The following INVS variants were observed in gnomAD, a reference collection of about 807,000 sequenced individuals.
The protein encoded by INVS is inversion of embryo turning homolog.
Under a neutral mutation model 108.8 loss-of-function variants are expected in INVS, and 86 were observed. The ratio of observed to expected loss-of-function variants is 0.79; its 90% CI spans 0.66 to 0.95. The LOEUF (loss-of-function observed/expected upper bound fraction) is 0.95, where lower values mean the gene tolerates loss of function less well. Ranked by LOEUF, INVS falls within the 40% of genes least tolerant of loss-of-function variation. INVS has a pLI of 0.00. For missense variants in INVS, 1,169 were observed against 1,297.4 expected (o/e 0.90, Z 1.52); for synonymous variants, 455 against 473.5 (o/e 0.96, Z 0.51).
At chr9:100,224,898 G>A (rs1370589242) in intron 3 of INVS, among the ~76,000 whole-genome samples, 1 of 151,718 alleles carries the variant, frequency 6.6e-6, no homozygotes, top group African/African-American at 2.4e-5. Context: ...ACAGGCATGA[G>A]CCACCGCACC....
At chr9:100,139,108 T>C (rs1002323071) in intron 3 of INVS, among the ~76,000 whole-genome samples, 2 of 152,248 alleles carry the variant, frequency 1.3e-5, no homozygotes, top group African/African-American at 2.4e-5. Flanking sequence ...CTTTGTTTTA[T>C]ATTATAGGGT....
intron 12 of INVS, among the ~76,000 whole-genome samples, chr9:100,278,423 A>G (rs1163288918): frequency 2.0e-5 from 3 of 152,008 alleles, no homozygotes; most frequent in Admixed American, 6.6e-5. Context: ...ATAGCCCTAT[A>G]TAGTTACTTC....
At chr9:100,193,376 C>T (rs1564152870) in intron 3 of INVS, among the ~76,000 whole-genome samples, 3 of 152,050 alleles carry the variant, frequency 2.0e-5, no homozygotes, top group Non-Finnish European at 4.4e-5. Context: ...GCCATTTTAA[C>T]CATTTTTGAG....
rs544072512 is a variant in INVS at position 100,150,949 on chromosome 9, A to C, written c.273+24400A>C. On this transcript the variant is annotated intron_variant, in intron 3 of 16. Coordinates refer to ENST00000262457, the MANE Select transcript of INVS (RefSeq NM_014425.5). ...ACCAGAGAGGGGATGGCTGGGGAGG[A>C]CAGGTTGTAATTTTAAATTAAGCAA... Among the ~76,000 whole-genome samples the C allele has an allele frequency of 5.6e-4, 85 of 152,334 alleles. 1 individual carries two copies. In the Middle Eastern group the frequency reaches 0.017, roughly 30 times the overall value.
intron 3 of INVS, among the ~76,000 whole-genome samples, chr9:100,205,781 CATTT>C (rs1183469498): frequency 6.6e-6 from 1 of 151,808 alleles, no homozygotes; most frequent in African/African-American, 2.4e-5. Flanking sequence ...ATTTGTAAAG[CATTT>C]ATTTATTCAA....
At chr9:100,289,141 C>G (rs1833537546) in intron 13 of INVS, among the ~76,000 whole-genome samples, 1 of 152,182 alleles carries the variant, frequency 6.6e-6, no homozygotes. Context: ...ACATTTTGTT[C>G]TACATTCCAC....
chr9:100,256,260 A>G (rs1164572921), intron 10 of INVS, among the ~76,000 whole-genome samples: 3 of 151,956 alleles, frequency 2.0e-5, no homozygotes, highest in Non-Finnish European at 4.4e-5. Flanking sequence ...TGGTGGTGAT[A>G]TTCCCTTTAT....
intron 3 of INVS, among the ~76,000 whole-genome samples, chr9:100,216,481 C>A (rs901963815): frequency 2.0e-5 from 3 of 152,180 alleles, no homozygotes; most frequent in Non-Finnish European, 4.4e-5. Context: ...ACAGTGGCCA[C>A]CTGTATACCC....
At chr9:100,186,268 GC>G (rs1272746573) in intron 3 of INVS, among the ~76,000 whole-genome samples, 1 of 152,012 alleles carries the variant, frequency 6.6e-6, no homozygotes, top group African/African-American at 2.4e-5. Context: ...CTCTGCCTCA[GC>G]CCCCTCAGTA....
rs764037670 is a variant in INVS, at chr9:100,297,928, C to T, written c.3017-8C>T. ...CAAAGAAAAGTAACAGTTGTTGGTT[C>T]ATTTCAGGTTGTTCTCACGAAGGGA... On this transcript the variant is annotated splice_region_variant and splice_polypyrimidine_tract_variant and intron_variant, in intron 15 of 16. Coordinates refer to ENST00000262457, the MANE Select transcript of INVS (RefSeq NM_014425.5). The T allele has an allele frequency of 1.2e-6, 2 of 1,614,076 alleles. No individual in the cohort carries two copies. Among genetic ancestry groups the T allele is most frequent in the Non-Finnish European group, 1.7e-6 (2 of 1,179,932 alleles).
intron 3 of INVS, among the ~76,000 whole-genome samples, chr9:100,158,133 A>G (rs1829061449): frequency 6.6e-6 from 1 of 152,106 alleles, no homozygotes; most frequent in African/African-American, 2.4e-5. Flanking sequence ...GTAAAGAATG[A>G]TAGTTTTTCT....
At chr9:100,112,276 G>A (rs1156327253) in intron 2 of INVS, among the ~76,000 whole-genome samples, 1 of 152,154 alleles carries the variant, frequency 6.6e-6, no homozygotes, top group African/African-American at 2.4e-5. Context: ...CCAGCCGGGG[G>A]ATATATACTT....
Position 100,165,211 on chromosome 9 carries a change from G to A in INVS, c.273+38662G>A, listed in dbSNP as rs1181287399. ...TCATAGTCATATCAGGGTAAGTGGG[G>A]TATTTATCACCTCAAGCATTTATCA... On this transcript the variant is annotated intron_variant, in intron 3 of 16. Transcript: ENST00000262457. Among the ~76,000 whole-genome samples, 6 of 151,890 alleles carry A rather than the reference G, an allele frequency of 4.0e-5. No individual in the cohort carries two copies. In the East Asian group the frequency reaches 9.6e-4, roughly 24 times the overall value.
chr9:100,229,625 A>C, intron 4 of INVS, 35 bp from the exon 5 acceptor site: 1 of 1,599,826 alleles, frequency 6.3e-7, no homozygotes, highest in Non-Finnish European at 8.6e-7. Context: ...GTTAGTTGTT[A>C]CTGTTGTTAT....
intron 3 of INVS, among the ~76,000 whole-genome samples, chr9:100,183,135 G>A (rs1471427791): frequency 6.6e-6 from 1 of 152,126 alleles, no homozygotes; most frequent in Non-Finnish European, 1.5e-5. Context: ...GGGATGAGGG[G>A]TAAGAGGAGG....
At chr9:100,140,008 T>G (rs947052183) in intron 3 of INVS, among the ~76,000 whole-genome samples, 10 of 152,228 alleles carry the variant, frequency 6.6e-5, no homozygotes, top group African/African-American at 2.4e-4. Context: ...GTGCAACCAC[T>G]ACCTCTATCT....
intron 3 of INVS, among the ~76,000 whole-genome samples, chr9:100,190,200 C>T (rs565810321): frequency 6.6e-6 from 1 of 152,210 alleles, no homozygotes; most frequent in Admixed American, 6.5e-5. Flanking sequence ...AGAATAGCTA[C>T]TCTTGCCTGC....
At chr9:100,218,589 A>C (rs1831057219) in intron 3 of INVS, among the ~76,000 whole-genome samples, 1 of 152,214 alleles carries the variant, frequency 6.6e-6, no homozygotes, top group African/African-American at 2.4e-5. Flanking sequence ...AAAGGCACTT[A>C]CTGGGAACAA....
At chr9:100,106,338 T>C (rs953858772) in intron 2 of INVS, among the ~76,000 whole-genome samples, 1 of 152,186 alleles carries the variant, frequency 6.6e-6, no homozygotes, top group African/African-American at 2.4e-5. Context: ...TTTCCCCCTC[T>C]GATTACTATA....
Sources: allele counts gnomAD v4.1 joint callset (sites outside exome capture counted in the v4.1 genomes callset), GRCh38; gene constraint gnomAD v4.1.1; transcripts MANE v1.5; gene names NCBI Gene and HGNC (gene_info 2026-07-23, HGNC 2026-07-21).